Variants in EIF4E2 observed in about 807,000 individuals in gnomAD.
EIF4E2 encodes eukaryotic translation initiation factor 4E type 2.
A neutral mutation model predicts 34.2 loss-of-function variants in EIF4E2; 13 were observed. That is an observed-to-expected ratio of 0.38 (90% CI 0.25 to 0.60). The LOEUF (loss-of-function observed/expected upper bound fraction) is 0.60, where lower values mean the gene tolerates loss of function less well. Among genes scored for constraint, EIF4E2 ranks in the 20% least tolerant of loss-of-function variants. The probability of loss-of-function intolerance (pLI) is 0.62; values close to 1 mark genes in which losing one functional copy is unlikely to be tolerated. For missense variants in EIF4E2, 222 were observed against 315.1 expected, an observed-to-expected ratio of 0.70 and a Z score of 2.24; for synonymous variants, 100 against 106.6, an observed-to-expected ratio of 0.94 and a Z score of 0.38.
chr2:232,579,378 A>G (rs537629688), intron 6 of EIF4E2, among the ~76,000 whole-genome samples: 4 of 152,234 alleles, frequency 2.6e-5, no homozygotes, highest in Non-Finnish European at 5.9e-5. Flanking sequence ...CCATTGATAA[A>G]TGAACCACAT....
At chr2:232,575,951 A>G (rs1693202263) in intron 6 of EIF4E2, among the ~76,000 whole-genome samples, 1 of 152,126 alleles carries the variant, frequency 6.6e-6, no homozygotes, top group South Asian at 2.1e-4. Flanking sequence ...CACGCCTGTA[A>G]TCCCAGCACT....
chr2:232,559,775 C>G (rs1015612767), intron 3 of EIF4E2, among the ~76,000 whole-genome samples: 1 of 145,094 alleles, frequency 6.9e-6, no homozygotes, highest in Admixed American at 6.9e-5. Flanking sequence ...GAGACCCTGC[C>G]TCTACAAAAA....
At chr2:232,569,272 C>CA, downstream of EIF4E2, 1 of 1,323,076 alleles carries the variant, frequency 7.6e-7, no homozygotes, top group South Asian at 2.0e-5. Context: ...GACTGACTGT[C>CA]ACCATATTAA....
At chr2:232,562,921 G>A (rs1016135698) in intron 3 of EIF4E2, among the ~76,000 whole-genome samples, 4 of 149,598 alleles carry the variant, frequency 2.7e-5, no homozygotes, top group East Asian at 2.0e-4. Flanking sequence ...TATAGATGGC[G>A]TTAGTTCTGA....
intron 6 of EIF4E2, chr2:232,568,697 C>A (rs1332906636): frequency 3.5e-5 from 34 of 985,300 alleles, no homozygotes; most frequent in Non-Finnish European, 4.1e-5. Flanking sequence ...GGCAGTTCTT[C>A]GTGACTTTTA....
At chr2:232,552,863 C>T (rs1574655629) in intron 1 of EIF4E2, among the ~76,000 whole-genome samples, 1 of 152,064 alleles carries the variant, frequency 6.6e-6, no homozygotes, top group African/African-American at 2.4e-5. Context: ...CACTCCTGCC[C>T]CTAGTTTTAT....
intron 6 of EIF4E2, among the ~76,000 whole-genome samples, chr2:232,578,736 G>A (rs966883184): frequency 3.9e-5 from 6 of 152,052 alleles, no homozygotes; most frequent in Non-Finnish European, 7.4e-5. Flanking sequence ...TCTTCCAAAA[G>A]ATAAGATGAC....
chr2:232,556,015 G>T (rs1427216010), intron 1 of EIF4E2, among the ~76,000 whole-genome samples: 1 of 149,446 alleles, frequency 6.7e-6, no homozygotes, highest in Non-Finnish European at 1.5e-5. Flanking sequence ...GAGTGTAGAA[G>T]AGGTGGTAAG....
chr2:232,565,699 C>T (rs1692898022), intron 4 of EIF4E2, among the ~76,000 whole-genome samples: 1 of 152,156 alleles, frequency 6.6e-6, no homozygotes, highest in Non-Finnish European at 1.5e-5. Flanking sequence ...TCTTCCTTAA[C>T]ATAGTGTGCA....
At chr2:232,554,197 G>C (rs1239299998) in intron 1 of EIF4E2, among the ~76,000 whole-genome samples, 1 of 152,204 alleles carries the variant, frequency 6.6e-6, no homozygotes, top group Non-Finnish European at 1.5e-5. Flanking sequence ...GTTGGAAGAG[G>C]TTAGGAAATG....
At position 232,581,088 on chromosome 2, in the gene EIF4E2, G is replaced by T; in HGVS notation, c.*145G>T. 1.2e-6 allele frequency: 1 copy of T among 826,528 alleles called. No individual in the cohort carries two copies. Among genetic ancestry groups the T allele is most frequent in the Non-Finnish European group, 2.1e-6 (1 of 486,280 alleles). The allele number at this position is 826,528 out of a possible 1,614,324, so 51.2% of individuals were successfully genotyped here. Reference sequence around the variant, plus strand: ...CCTTTTGCACTCATTCCTGGAGGACGGATTCCGCTAGACACCCTCCAGCAT... The same window carrying T: ...CCTTTTGCACTCATTCCTGGAGGACTGATTCCGCTAGACACCCTCCAGCAT... On this transcript the variant is annotated 3_prime_UTR_variant, in exon 7 of 7. Coordinates refer to the EIF4E2 transcript ENST00000409098. This position sits in a 1 kb window ranked among gnomAD's most constrained non-coding sequence, Gnocchi z 5.2.
chr2:232,574,587 T>G (rs892584001), intron 6 of EIF4E2, among the ~76,000 whole-genome samples: 2 of 152,194 alleles, frequency 1.3e-5, no homozygotes, highest in African/African-American at 2.4e-5. Flanking sequence ...GATGAACAAG[T>G]CTCTGAGATC....
intron 3 of EIF4E2, among the ~76,000 whole-genome samples, chr2:232,562,647 A>G (rs1194887663): frequency 6.6e-6 from 1 of 152,194 alleles, no homozygotes; most frequent in Non-Finnish European, 1.5e-5. Flanking sequence ...GGGAGACCAA[A>G]CTGTTAAAGC....
At chr2:232,561,645 C>G (rs1692727839) in intron 3 of EIF4E2, among the ~76,000 whole-genome samples, 1 of 152,172 alleles carries the variant, frequency 6.6e-6, no homozygotes, top group Non-Finnish European at 1.5e-5. Flanking sequence ...GATTCTTAGC[C>G]TAATCATTAA....
chr2:232,556,050 G>GT (rs1692506768), intron 1 of EIF4E2, among the ~76,000 whole-genome samples: 1 of 152,154 alleles, frequency 6.6e-6, no homozygotes. Context: ...CAGATAGTAC[G>GT]TTTTTAACCT....
At chr2:232,550,852 TG>T in intron 1 of EIF4E2, 108 bp downstream of exon 1, 1 of 1,150,096 alleles carries the variant, frequency 8.7e-7, no homozygotes. Context: ...GCTTCCCTGC[TG>T]GGATCCGGCT....
Position 232,557,922 on chromosome 2 carries a change from C to G in EIF4E2, c.174C>G (p.Tyr58Ter). 6.2e-7 allele frequency: 1 copy of G among 1,614,068 alleles called. No individual in the cohort carries two copies. Residue 58 changes from tyrosine (Y) to a stop codon, truncating the protein, a stop_gained, in exon 3 of 7, where the codon TAC becomes TAG. Transcript: ENST00000258416. LOFTEE classifies it high-confidence loss of function. ...VPGPAEHPLQ[Y>*]NYTFWYSRRT... The stretch of plus-strand genomic sequence containing the variant: ...GACCGGCAGAGCATCCCCTGCAGTA[C>G]AACTACACTTTTTGGTACTCCAGGA...
At chr2:232,568,254 T>G in intron 6 of EIF4E2, 1 of 985,394 alleles carries the variant, frequency 1.0e-6, no homozygotes, top group Non-Finnish European at 1.2e-6. Flanking sequence ...GGAATCTCTT[T>G]CCCATGCATT....
intron 6 of EIF4E2, chr2:232,568,733 A>C (rs899240249): frequency 1.0e-6 from 1 of 985,310 alleles, no homozygotes; most frequent in African/African-American, 1.7e-5. Context: ...ACGTCCTTAC[A>C]GAGTTTAGGA....
Sources: allele counts gnomAD v4.1 joint callset (sites outside exome capture counted in the v4.1 genomes callset), GRCh38; gene constraint gnomAD v4.1.1; non-coding constraint Gnocchi (gnomAD v3.1); transcripts MANE v1.5; gene names NCBI Gene and HGNC (gene_info 2026-07-23, HGNC 2026-07-21).